The following CACNA1E variants were observed in gnomAD, a reference collection of about 807,000 sequenced individuals.
CACNA1E encodes voltage-dependent R-type calcium channel subunit alpha-1E.
In CACNA1E, 40 loss-of-function variants were observed where a neutral mutation model predicts 259.2. That is an observed-to-expected ratio of 0.15 (90% CI 0.12 to 0.20). The LOEUF (loss-of-function observed/expected upper bound fraction) is 0.20. CACNA1E is among the 10% of genes least tolerant of loss of function. The pLI is 1.00. For synonymous variants in CACNA1E, 1,104 were observed against 1,138.5 expected (o/e 0.97, Z 0.61); for missense variants, 1,874 against 3,040.1 (o/e 0.62, Z 9.02).
chr1:181,691,109 A>T (rs1651107672), intron 7 of CACNA1E, among the ~76,000 whole-genome samples: 1 of 151,816 alleles, frequency 6.6e-6, no homozygotes, highest in Non-Finnish European at 1.5e-5. Context: ...CTCTGACTTG[A>T]CTTATTTAAG....
Position 181,615,253 on chromosome 1 carries a change from C to T in CACNA1E, c.951+34477C>T, listed in dbSNP as rs550108865. Among the ~76,000 whole-genome samples, 649 of 152,214 alleles carry T rather than the reference C, an allele frequency of 4.3e-3. 4 individuals carry two copies. The highest frequency in any genetic ancestry group is 0.013 in the African/African-American group (531 of 41,514). ...TCACCCAGGCTGGAGTGCAGTGGTGCGATCTCGGCTCACTGCAACCTCTGC... is the reference window on the plus strand; with the variant it reads ...TCACCCAGGCTGGAGTGCAGTGGTGTGATCTCGGCTCACTGCAACCTCTGC... On this transcript the variant is annotated intron_variant, in intron 6 of 47. Transcript: ENST00000367573.
intron 26 of CACNA1E, among the ~76,000 whole-genome samples, chr1:181,751,687 G>T (rs573160933): frequency 6.6e-6 from 1 of 152,350 alleles, no homozygotes. Flanking sequence ...AATATCATTT[G>T]AGAACCTATC....
chr1:181,708,105 G>A (rs1193519778), intron 7 of CACNA1E, among the ~76,000 whole-genome samples: 1 of 152,212 alleles, frequency 6.6e-6, no homozygotes, highest in Non-Finnish European at 1.5e-5. Flanking sequence ...TGCCTTTTCA[G>A]TAAGTGTGGG....
At chr1:181,402,575 G>A (rs573472352) in intron 1 of CACNA1E, among the ~76,000 whole-genome samples, 18 of 152,308 alleles carry the variant, frequency 1.2e-4, no homozygotes, top group South Asian at 2.1e-4. Flanking sequence ...AGCGTACTCC[G>A]TCCCCATGCA....
intron 44 of CACNA1E, among the ~76,000 whole-genome samples, chr1:181,791,545 T>C (rs1434993869): frequency 6.6e-6 from 1 of 152,138 alleles, no homozygotes; most frequent in Non-Finnish European, 1.5e-5. Flanking sequence ...GAGGAGAGAT[T>C]CAAGTTTTGG....
intron 6 of CACNA1E, among the ~76,000 whole-genome samples, chr1:181,582,557 C>T (rs1035656584): frequency 2.6e-5 from 4 of 152,158 alleles, no homozygotes; most frequent in African/African-American, 9.7e-5. Context: ...AGGATACAGG[C>T]GTGATTGTTG....
At chr1:181,507,094 T>C (rs1188261200) in intron 1 of CACNA1E, among the ~76,000 whole-genome samples, 1 of 151,468 alleles carries the variant, frequency 6.6e-6, no homozygotes, top group African/African-American at 2.5e-5. Context: ...CTGCTGTGAA[T>C]GGGCCTCACA....
chr1:181,763,044 A>C (rs2102720778), intron 33 of CACNA1E, among the ~76,000 whole-genome samples: 1 of 152,332 alleles, frequency 6.6e-6, no homozygotes, highest in East Asian at 1.9e-4. Context: ...TGGAGAGCTC[A>C]GGGTAACTCT....
At chr1:181,743,775 T>G (rs1656801873) in intron 25 of CACNA1E, among the ~76,000 whole-genome samples, 1 of 152,238 alleles carries the variant, frequency 6.6e-6, no homozygotes, top group African/African-American at 2.4e-5. Flanking sequence ...ACTAGCTCGA[T>G]TCACATGAGC....
At chr1:181,688,932 A>G (rs982318975) in intron 7 of CACNA1E, among the ~76,000 whole-genome samples, 1 of 152,138 alleles carries the variant, frequency 6.6e-6, no homozygotes, top group Non-Finnish European at 1.5e-5. Flanking sequence ...AGCTTATTCT[A>G]TTTAGCATAA....
chr1:181,487,921 G>A (rs2102490800), intron 1 of CACNA1E, among the ~76,000 whole-genome samples: 1 of 152,334 alleles, frequency 6.6e-6, no homozygotes, highest in East Asian at 1.9e-4. Flanking sequence ...CATGCTTCGT[G>A]TGGAAATGAA....
At chr1:181,652,716 G>A (rs1170872878) in intron 7 of CACNA1E, among the ~76,000 whole-genome samples, 2 of 152,032 alleles carry the variant, frequency 1.3e-5, no homozygotes, top group Non-Finnish European at 2.9e-5. Context: ...TAGAATCCCT[G>A]CCCCACCCCA....
intron 1 of CACNA1E, among the ~76,000 whole-genome samples, chr1:181,373,590 T>A (rs1176320191): frequency 1.4e-5 from 2 of 147,270 alleles, no homozygotes; most frequent in African/African-American, 5.0e-5. Flanking sequence ...CAGGCTGGAG[T>A]GCAGTGGCGC....
intron 2 of CACNA1E, among the ~76,000 whole-genome samples, chr1:181,461,760 C>A (rs1039597242): frequency 2.0e-5 from 3 of 151,678 alleles, no homozygotes; most frequent in African/African-American, 7.3e-5. Context: ...GAATCTCAGG[C>A]CCATCTTAGA....
intron 45 of CACNA1E, 81 bp from the exon 46 acceptor site, chr1:181,794,783 C>A: frequency 7.6e-7 from 1 of 1,320,014 alleles, no homozygotes; most frequent in Non-Finnish European, 1.0e-6. Context: ...CTTAACGTCT[C>A]AGTCTTGCTG....
chr1:181,597,599 G>T (rs1262513287), intron 6 of CACNA1E, among the ~76,000 whole-genome samples: 1 of 152,196 alleles, frequency 6.6e-6, no homozygotes, highest in African/African-American at 2.4e-5. Flanking sequence ...TGCCTCGAAG[G>T]TGATGGATCG....
chr1:181,599,105 C>A (rs1007074064), intron 6 of CACNA1E, among the ~76,000 whole-genome samples: 10 of 151,978 alleles, frequency 6.6e-5, no homozygotes, highest in Non-Finnish European at 1.2e-4. Context: ...GAGCCTCTCC[C>A]CCCTCCCCAC....
intron 2 of CACNA1E, among the ~76,000 whole-genome samples, chr1:181,451,486 G>A (rs1447735279): frequency 2.0e-5 from 3 of 152,146 alleles, no homozygotes; most frequent in Admixed American, 6.5e-5. Flanking sequence ...AGGAGTTCGA[G>A]ACCAGCCTGG....
At chr1:181,768,127 A>G (rs1002885680) in intron 35 of CACNA1E, among the ~76,000 whole-genome samples, 6 of 152,228 alleles carry the variant, frequency 3.9e-5, no homozygotes, top group African/African-American at 1.4e-4. Context: ...CCTTTTGCCT[A>G]TGCTCAAAAT....
Sources: gnomAD v4.1 joint callset for allele counts (sites outside exome capture counted in the v4.1 genomes callset) on GRCh38, gnomAD v4.1.1 for gene constraint, MANE v1.5 for transcripts, NCBI Gene and HGNC (gene_info 2026-07-23, HGNC 2026-07-21) for gene names.